OGDH: variants seen among roughly 807,000 people sequenced by gnomAD.
The protein encoded by OGDH is 2-oxoglutarate dehydrogenase complex component E1.
OGDH carries 38 observed loss-of-function variants against 116.6 expected under a neutral mutation model. The observed-to-expected ratio is 0.33, with a 90% CI of 0.25 to 0.43. The LOEUF is 0.43. OGDH is among the 20% of genes least tolerant of loss of function. The pLI, the probability that OGDH is intolerant of heterozygous loss-of-function variation, is 1.00. For missense variants in OGDH, 825 were observed against 1,357.2 expected (o/e 0.61, Z 6.16); for synonymous variants, 488 against 533.3 (o/e 0.92, Z 1.17).
intron 2 of OGDH, among the ~76,000 whole-genome samples, chr7:44,638,338 C>T (rs966479369): frequency 6.6e-6 from 1 of 152,158 alleles, no homozygotes; most frequent in Non-Finnish European, 1.5e-5. Context: ...GCCCAAATAC[C>T]ACACTTACTT....
intron 2 of OGDH, among the ~76,000 whole-genome samples, chr7:44,644,891 C>T (rs1786099736): frequency 6.6e-6 from 1 of 152,168 alleles, no homozygotes; most frequent in Non-Finnish European, 1.5e-5. Flanking sequence ...GTAGAGTTTG[C>T]AGACCTATAG....
chr7:44,683,878 T>C (rs1299427564), intron 10 of OGDH, among the ~76,000 whole-genome samples: 1 of 152,154 alleles, frequency 6.6e-6, no homozygotes, highest in Non-Finnish European at 1.5e-5. Context: ...CCATAACAGA[T>C]ATTCTAGTGC....
intron 5 of OGDH, among the ~76,000 whole-genome samples, chr7:44,669,256 A>T (rs544716775): frequency 1.3e-5 from 2 of 149,706 alleles, no homozygotes; most frequent in East Asian, 3.9e-4. Flanking sequence ...GGATTAACCA[A>T]TCCCCCTACT....
rs1787603220 is a variant in OGDH, at chr7:44,674,480, G to C, written c.858G>C (p.Leu286=). The C allele has an allele frequency of 1.2e-6, 2 of 1,614,180 alleles. No individual in the cohort carries two copies. The highest frequency in any genetic ancestry group is 2.7e-5 in the African/African-American group (2 of 75,052). The change falls in exon 7 of 23, where the codon CTG becomes CTC. Residue 286 remains leucine (L), a synonymous_variant. Coordinates refer to ENST00000222673, the MANE Select transcript of OGDH (RefSeq NM_002541.4). Reference sequence around the variant, plus strand: ...TTGGTCTAGAAGGCTGCGAGGTACTGATCCCTGCCCTCAAGACCATCATTG... The same window carrying C: ...TTGGTCTAGAAGGCTGCGAGGTACTCATCCCTGCCCTCAAGACCATCATTG... ...KRFGLEGCEV[L]IPALKTIIDK...
chr7:44,685,298 A>G (rs1219969406), intron 10 of OGDH, among the ~76,000 whole-genome samples: 1 of 152,134 alleles, frequency 6.6e-6, no homozygotes, highest in Admixed American at 6.6e-5. Flanking sequence ...GCCCCTGGCA[A>G]CTATCCACTC....
At chr7:44,706,557 G>A (rs1789080296) in intron 20 of OGDH, among the ~76,000 whole-genome samples, 1 of 151,594 alleles carries the variant, frequency 6.6e-6, no homozygotes, top group Non-Finnish European at 1.5e-5. Flanking sequence ...CTGACCTCAG[G>A]TGATCCGCCT....
intron 5 of OGDH, among the ~76,000 whole-genome samples, chr7:44,671,623 C>G (rs1423553653): frequency 1.3e-5 from 2 of 149,444 alleles, no homozygotes; most frequent in Admixed American, 1.3e-4. Flanking sequence ...AAAAAATTAG[C>G]CGGGCGTGGT....
chr7:44,613,101 C>T (rs949850958), intron 1 of OGDH, among the ~76,000 whole-genome samples: 5 of 151,990 alleles, frequency 3.3e-5, no homozygotes, highest in African/African-American at 1.2e-4. Context: ...TGGTCTCGAT[C>T]TCCTGACCTC....
At position 44,621,815 on chromosome 7, in the gene OGDH, G is replaced by T. The variant is rs568457810; in HGVS notation, c.-27-2502G>T. On this transcript the variant is annotated intron_variant, in intron 1 of 22. Transcript: ENST00000222673. ...TGAACCTGGGATGGGAGGTTGCACT[G>T]AGCCGAGATCACACCACTGCACTCC... Among the ~76,000 whole-genome samples, 4 of 150,330 alleles carry T rather than the reference G, an allele frequency of 2.7e-5. No homozygotes were observed. The East Asian group carries it at 5.9e-4, about 22-fold the overall frequency.
intron 1 of OGDH, among the ~76,000 whole-genome samples, chr7:44,610,357 C>T (rs1164224749): frequency 6.6e-6 from 1 of 152,080 alleles, no homozygotes; most frequent in African/African-American, 2.4e-5. Flanking sequence ...GTCCCCCAGG[C>T]TGGAGTGCAG....
chr7:44,672,932 C>T (rs1985345), intron 5 of OGDH, among the ~76,000 whole-genome samples: 24,129 of 152,012 alleles, frequency 0.16, 4,383 homozygotes, highest in African/African-American at 0.43. Flanking sequence ...TGAGCCACCG[C>T]GCCTGGCCCC....
chr7:44,682,161 G>A (rs542917240), intron 10 of OGDH, among the ~76,000 whole-genome samples: 4 of 151,632 alleles, frequency 2.6e-5, no homozygotes, highest in Non-Finnish European at 4.4e-5. Flanking sequence ...TTGGGAGGCC[G>A]AGGCAGGTGG....
intron 4 of OGDH, among the ~76,000 whole-genome samples, chr7:44,654,987 A>C (rs799434): frequency 0.93 from 141,358 of 152,306 alleles, 65,756 homozygotes; most frequent in East Asian, 1. Context: ...TTGTTCTCTT[A>C]ACTCTCCTCT....
intron 4 of OGDH, among the ~76,000 whole-genome samples, chr7:44,663,739 A>C (rs998767657): frequency 6.6e-6 from 1 of 152,174 alleles, no homozygotes; most frequent in African/African-American, 2.4e-5. Context: ...GTGCCACGGC[A>C]CTCTAGCCTG....
intron 5 of OGDH, among the ~76,000 whole-genome samples, chr7:44,673,357 T>C (rs1787553864): frequency 6.6e-6 from 1 of 152,102 alleles, no homozygotes. Context: ...AACCTGCAAA[T>C]CTTTAACAGC....
chr7:44,622,663 A>G (rs1243470334), intron 1 of OGDH: 1 of 152,180 alleles, frequency 6.6e-6, no homozygotes, highest in African/African-American at 2.4e-5. Context: ...ATTTCTGGGT[A>G]ATTCACACTA....
At chr7:44,607,176 G>A (rs1389948047) in intron 1 of OGDH, among the ~76,000 whole-genome samples, 1 of 152,226 alleles carries the variant, frequency 6.6e-6, no homozygotes, top group East Asian at 1.9e-4. Flanking sequence ...CTTTGGGGTG[G>A]CCCTGGGTGG....
At chr7:44,626,729 A>G (rs1293307697) in intron 2 of OGDH, among the ~76,000 whole-genome samples, 3 of 152,156 alleles carry the variant, frequency 2.0e-5, no homozygotes, top group African/African-American at 7.2e-5. Flanking sequence ...TTGTGGGGGC[A>G]TGGTGGCTTT....
chr7:44,639,981 G>C (rs1763389573), intron 2 of OGDH, among the ~76,000 whole-genome samples: 2 of 152,192 alleles, frequency 1.3e-5, no homozygotes, highest in Admixed American at 6.5e-5. Context: ...AAATCACCTG[G>C]AGTTGTATTC....
Sources: allele counts gnomAD v4.1 joint callset (sites outside exome capture counted in the v4.1 genomes callset), GRCh38; gene constraint gnomAD v4.1.1; transcripts MANE v1.5; gene names NCBI Gene and HGNC (gene_info 2026-07-23, HGNC 2026-07-21).